SEZ6L: variants seen among roughly 807,000 people sequenced by gnomAD.
SEZ6L encodes the protein seizure 6-like protein.
A neutral mutation model predicts 106.2 loss-of-function variants in SEZ6L; 37 were observed. The ratio of observed to expected loss-of-function variants is 0.35; its 90% CI spans 0.27 to 0.46. SEZ6L has a LOEUF of 0.46. Ranked by LOEUF, SEZ6L falls within the 20% of genes least tolerant of loss-of-function variation. The pLI is 1.00. For missense variants in SEZ6L, 1,172 were observed against 1,332.8 expected (o/e 0.88, Z 1.88); for synonymous variants, 541 against 570.4 (o/e 0.95, Z 0.73).
At chr22:26,286,671 A>C (rs1389013406) in intron 1 of SEZ6L, among the ~76,000 whole-genome samples, 1 of 151,542 alleles carries the variant, frequency 6.6e-6, no homozygotes, top group Admixed American at 6.6e-5. Context: ...TACTGCTTGG[A>C]ATTCCGTGCC....
intron 1 of SEZ6L, among the ~76,000 whole-genome samples, chr22:26,266,446 G>A (rs1184917643): frequency 3.3e-5 from 5 of 151,180 alleles, no homozygotes; most frequent in South Asian, 4.2e-4. Flanking sequence ...GGTGGTGGGC[G>A]CCTGTAGTCC....
At chr22:26,268,176 G>T (rs967169650) in intron 1 of SEZ6L, among the ~76,000 whole-genome samples, 1 of 152,188 alleles carries the variant, frequency 6.6e-6, no homozygotes, top group Non-Finnish European at 1.5e-5. Context: ...AACAAATCTG[G>T]CTGATGAGGT....
chr22:26,364,338 C>A (rs2083733280), intron 12 of SEZ6L, among the ~76,000 whole-genome samples: 1 of 150,856 alleles, frequency 6.6e-6, no homozygotes, highest in Non-Finnish European at 1.5e-5. Flanking sequence ...GTGATCCTAA[C>A]ACCTTGGGAG....
chr22:26,362,107 C>T (rs1941124), intron 12 of SEZ6L, among the ~76,000 whole-genome samples: 106,116 of 151,980 alleles, frequency 0.7, 37,463 homozygotes, highest in East Asian at 0.96. Flanking sequence ...CCAAGGCACG[C>T]TCTGCAGGGT....
chr22:26,171,416 A>G (rs1243060268), intron 1 of SEZ6L, among the ~76,000 whole-genome samples: 1 of 151,912 alleles, frequency 6.6e-6, no homozygotes, highest in African/African-American at 2.4e-5. Context: ...ACACACATAT[A>G]AAAAGAACCT....
intron 1 of SEZ6L, among the ~76,000 whole-genome samples, chr22:26,278,999 A>AGGAAGGAAGGAAGGAAAGAT (rs57017312): frequency 3.0e-5 from 4 of 135,528 alleles, no homozygotes; most frequent in African/African-American, 8.4e-5. Context: ...GAAGGAAGGA[A>AGGAAGGAAGGAAGGAAAGAT]GGAAGGAAGG....
intron 1 of SEZ6L, among the ~76,000 whole-genome samples, chr22:26,191,668 C>A (rs1308409926): frequency 6.6e-6 from 1 of 152,096 alleles, no homozygotes; most frequent in African/African-American, 2.4e-5. Flanking sequence ...ACAGGATGAT[C>A]TGTGCAGCAA....
At chr22:26,200,374 G>A (rs1393614974) in intron 1 of SEZ6L, among the ~76,000 whole-genome samples, 6 of 152,146 alleles carry the variant, frequency 3.9e-5, no homozygotes, top group Admixed American at 1.3e-4. Context: ...CACCAGGCTT[G>A]GTGGTTGGTG....
At position 26,293,102 on chromosome 22, in the gene SEZ6L, C is replaced by A; in HGVS notation, c.791C>A (p.Ser264Tyr). 1 of 1,600,736 alleles carries A rather than the reference C, an allele frequency of 6.2e-7. No individual in the cohort carries two copies. ...ASEESQETTT[S>Y]TIITTTVITT... The stretch of plus-strand genomic sequence containing the variant: ...GAGGAGAGCCAGGAGACCACTACCT[C>A]CACCATTATCACCACCACGGTCATC... The change falls in exon 2 of 17, where the codon TCC (serine) becomes TAC (tyrosine). Residue 264 changes from serine (S) to tyrosine (Y), a missense_variant. Around this residue, in one of 4 missense-constraint regions of SEZ6L, gnomAD observed 494 missense variants for 445.8 expected, o/e 1.11. Coordinates refer to ENST00000248933, the MANE Select transcript of SEZ6L (RefSeq NM_021115.5).
At chr22:26,358,846 C>G (rs1049446766) in intron 12 of SEZ6L, among the ~76,000 whole-genome samples, 1 of 152,186 alleles carries the variant, frequency 6.6e-6, no homozygotes, top group African/African-American at 2.4e-5. Flanking sequence ...CGGCTTCTAG[C>G]AGGTCAGGGC....
At chr22:26,245,786 C>G (rs2079318591) in intron 1 of SEZ6L, among the ~76,000 whole-genome samples, 1 of 152,190 alleles carries the variant, frequency 6.6e-6, no homozygotes, top group African/African-American at 2.4e-5. Flanking sequence ...GGGATGCTGG[C>G]TCTACAGTCT....
chr22:26,267,002 G>A (rs1339894113), intron 1 of SEZ6L, among the ~76,000 whole-genome samples: 1 of 152,232 alleles, frequency 6.6e-6, no homozygotes, highest in Non-Finnish European at 1.5e-5. Flanking sequence ...ATCTTCACCA[G>A]ATGGCCAATT....
chr22:26,280,674 A>G (rs931658822), intron 1 of SEZ6L, among the ~76,000 whole-genome samples: 9 of 152,174 alleles, frequency 5.9e-5, no homozygotes, highest in Admixed American at 2.6e-4. Flanking sequence ...TCATAGTTCA[A>G]TTCTGAGCTG....
chr22:26,351,545 G>GT lies in SEZ6L; in HGVS notation c.2599+304dup, dbSNP rs1414408277. Reference sequence around the variant, plus strand: ...TGTTTGTTTGTTTGTTTGTTTGTTTGTTGGTTGGTTGGTTGGTTTTAGATG... The same window carrying GT: ...TGTTTGTTTGTTTGTTTGTTTGTTTGTTTGGTTGGTTGGTTGGTTTTAGATG... On this transcript the variant is annotated intron_variant, in intron 12 of 16. Coordinates refer to ENST00000248933, the MANE Select transcript of SEZ6L (RefSeq NM_021115.5). 7.9e-3 allele frequency: 2,105 copies of GT among 265,178 alleles called. 47 individuals are homozygous for GT. The highest frequency in any genetic ancestry group is 0.046 in the African/African-American group (1,981 of 43,244). The allele number at this position is 265,178 out of a possible 1,614,324, so 16.4% of individuals were successfully genotyped here.
chr22:26,364,240 C>T (rs1672071763), intron 12 of SEZ6L, among the ~76,000 whole-genome samples: 1 of 151,950 alleles, frequency 6.6e-6, no homozygotes, highest in Non-Finnish European at 1.5e-5. Flanking sequence ...GCTGGCTGTC[C>T]ATTCCATCCA....
intron 6 of SEZ6L, 149 bp downstream of exon 6, chr22:26,306,293 C>T: frequency 5.9e-6 from 5 of 851,868 alleles, no homozygotes; most frequent in Non-Finnish European, 8.8e-6. Flanking sequence ...ATCTTAGACA[C>T]CATCAGCTTC....
chr22:26,283,282 TA>T (rs1264067085), intron 1 of SEZ6L, among the ~76,000 whole-genome samples: 1 of 152,204 alleles, frequency 6.6e-6, no homozygotes, highest in Non-Finnish European at 1.5e-5. Context: ...CAAAGATGCG[TA>T]TTAATTGCAG....
At position 26,310,251 on chromosome 22, in the gene SEZ6L, C is replaced by T. The variant is rs543959426; in HGVS notation, c.1515-419C>T. On this transcript the variant is annotated intron_variant, in intron 6 of 16. Transcript: ENST00000248933. ...TGTCTGAGCACATAAGAGGTAAAGT[C>T]AGGACTGGGCGTGGTGGCTCACGCC... 3.9e-5 allele frequency among the ~76,000 whole-genome samples: 6 copies of T among 152,282 alleles called. 1 individual carries two copies. The highest frequency in any genetic ancestry group is 1.2e-4 in the African/African-American group (5 of 41,576).
chr22:26,170,679 A>G (rs773560169), intron 1 of SEZ6L, among the ~76,000 whole-genome samples: 1 of 152,076 alleles, frequency 6.6e-6, no homozygotes, highest in Non-Finnish European at 1.5e-5. Context: ...AACTCACCCA[A>G]AGCTAACCCT....
Sources: allele counts gnomAD v4.1 joint callset (sites outside exome capture counted in the v4.1 genomes callset), GRCh38; gene constraint gnomAD v4.1.1; regional missense constraint gnomAD v4.1.1; transcripts MANE v1.5; gene names NCBI Gene and HGNC (gene_info 2026-07-23, HGNC 2026-07-21).